Variants in ZNF251 observed in about 807,000 individuals in gnomAD.
The protein encoded by ZNF251 is zinc finger protein 251.
In ZNF251, 14 loss-of-function variants were observed where a neutral mutation model predicts 13.5. That is an observed-to-expected ratio of 1.04 (90% CI 0.69 to 1.63). The LOEUF (loss-of-function observed/expected upper bound fraction) is 1.63. ZNF251 is among the 40% of genes most tolerant of loss of function. The pLI, the probability that ZNF251 is intolerant of heterozygous loss-of-function variation, is 0.00. For missense variants in ZNF251, 764 were observed against 834.9 expected, an observed-to-expected ratio of 0.92 and a Z score of 1.05; for synonymous variants, 287 against 295.2, an observed-to-expected ratio of 0.97 and a Z score of 0.28.
intron 4 of ZNF251, among the ~76,000 whole-genome samples, chr8:144,740,855 C>T (rs1824127275): frequency 6.6e-6 from 1 of 152,068 alleles, no homozygotes. Context: ...ATCACTTGAA[C>T]CTGGGAGGCG....
At chr8:144,724,447 C>T (rs1823461871) in intron 4 of ZNF251, among the ~76,000 whole-genome samples, 2 of 152,132 alleles carry the variant, frequency 1.3e-5, no homozygotes, top group South Asian at 2.1e-4. Context: ...CTTCCTGCCT[C>T]AGCCTCCCAA....
At chr8:144,724,105 G>A (rs539713330) in intron 4 of ZNF251, among the ~76,000 whole-genome samples, 3 of 151,826 alleles carry the variant, frequency 2.0e-5, no homozygotes, top group Admixed American at 6.6e-5. Flanking sequence ...TTAGCCAGTC[G>A]AGGTGGCAGG....
intron 4 of ZNF251, among the ~76,000 whole-genome samples, chr8:144,747,941 A>C (rs1420100311): frequency 6.6e-6 from 1 of 151,248 alleles, no homozygotes; most frequent in Non-Finnish European, 1.5e-5. Context: ...ATAGTGTCTC[A>C]CTCAGTTGCC....
chr8:144,726,194 C>CAA (rs35542133), intron 4 of ZNF251, among the ~76,000 whole-genome samples: 179 of 52,094 alleles, frequency 3.4e-3, no homozygotes, highest in Non-Finnish European at 3.9e-3. Flanking sequence ...GACTCTGTCT[C>CAA]AAAAAAAAAA....
At chr8:144,725,102 CTCCTGGGTTCAAGCGAT>C (rs1435024973) in intron 4 of ZNF251, among the ~76,000 whole-genome samples, 1 of 152,190 alleles carries the variant, frequency 6.6e-6, no homozygotes, top group African/African-American at 2.4e-5. Flanking sequence ...CAACCTCCAC[CTCCTGGGTTCAAGCGAT>C]TCTCCTGCCT....
At chr8:144,739,759 C>A (rs1331773312) in intron 4 of ZNF251, among the ~76,000 whole-genome samples, 2 of 152,036 alleles carry the variant, frequency 1.3e-5, no homozygotes, top group African/African-American at 4.8e-5. Flanking sequence ...ATTATCTGGG[C>A]ATGGTGGAGC....
chr8:144,722,135 T>C lies in ZNF251; in HGVS notation c.1525A>G (p.Lys509Glu). 1 of 1,614,120 alleles carries C rather than the reference T, an allele frequency of 6.2e-7. No individual in the cohort carries two copies. Among genetic ancestry groups the C allele is most frequent in the Non-Finnish European group, 8.5e-7 (1 of 1,180,006 alleles). The change falls in exon 5 of 5, where the codon AAA becomes GAA. Residue 509 changes from lysine to glutamate, a missense_variant. Lys to Glu is a moderately conservative substitution (Grantham distance 56). Coordinates refer to ENST00000292562, the MANE Select transcript of ZNF251 (RefSeq NM_138367.2). The surrounding 1 kb of genome is among the most constrained non-coding windows in gnomAD (Gnocchi z 4.8). ...TTACGAGTCTCTCCGCTGTGAACTT[T>C]CTGATGCTGAATGAGGGTTGACCTC... The part of the protein sequence containing the change: ...SRRSTLIQHQ[K>E]VHSGETRKCR...
Position 144,724,324 on chromosome 8 carries a change from G to A in ZNF251, c.278-942C>T, listed in dbSNP as rs568643196. On this transcript the variant is annotated intron_variant, in intron 4 of 4. Transcript: ENST00000292562. ...CAATCATGCCGTGTACTGTTGGTGG[G>A]ACTGTAAATAAATGACCTTTTTTTG... is the stretch of plus-strand genomic sequence containing the variant. 4.6e-5 allele frequency among the ~76,000 whole-genome samples: 7 copies of A among 151,154 alleles called. No homozygotes were observed. The South Asian group carries it at 1.5e-3, about 32-fold the overall frequency.
At chr8:144,754,099 G>T in intron 3 of ZNF251, 93 bp downstream of exon 3, 2 of 1,500,416 alleles carry the variant, frequency 1.3e-6, no homozygotes, top group East Asian at 2.3e-5. Flanking sequence ...CAAGGGGCAG[G>T]ACCCTCTTCT....
intron 4 of ZNF251, among the ~76,000 whole-genome samples, chr8:144,723,606 G>C (rs564247866): frequency 4.6e-5 from 7 of 152,116 alleles, no homozygotes; most frequent in African/African-American, 7.2e-5. Context: ...AACAAATTAC[G>C]ATTTTTCACC....
chr8:144,738,212 C>G (rs1159233391), intron 4 of ZNF251, among the ~76,000 whole-genome samples: 1 of 152,188 alleles, frequency 6.6e-6, no homozygotes, highest in Admixed American at 6.5e-5. Flanking sequence ...CTGGCGACAC[C>G]CACTCTGCCT....
chr8:144,729,848 G>A (rs1213863033), intron 4 of ZNF251, among the ~76,000 whole-genome samples: 1 of 152,122 alleles, frequency 6.6e-6, no homozygotes, highest in African/African-American at 2.4e-5. Flanking sequence ...GCAGCAGAGT[G>A]AGACCCTGTC....
intron 4 of ZNF251, among the ~76,000 whole-genome samples, chr8:144,748,855 G>A (rs1043442023): frequency 9.2e-5 from 14 of 152,142 alleles, no homozygotes; most frequent in Non-Finnish European, 1.8e-4. Context: ...CATCACTCCT[G>A]GCCGAAGCAG....
intron 4 of ZNF251, among the ~76,000 whole-genome samples, chr8:144,741,361 CAT>C (rs1174433348): frequency 6.6e-6 from 1 of 152,140 alleles, no homozygotes; most frequent in Admixed American, 6.5e-5. Context: ...CACACACACT[CAT>C]ACACACACTC....
intron 4 of ZNF251, among the ~76,000 whole-genome samples, chr8:144,724,009 C>T (rs1447644406): frequency 6.6e-6 from 1 of 152,008 alleles, no homozygotes; most frequent in African/African-American, 2.4e-5. Context: ...TTTGGGAGGC[C>T]GAGGTGGGCG....
rs1313402368 is a variant in ZNF251, at chr8:144,721,258, T to C, written c.*386A>G. 1.8e-5 allele frequency: 5 copies of C among 275,850 alleles called. No individual in the cohort carries two copies. The East Asian group carries it at 3.0e-4, about 17-fold the overall frequency. The allele number at this position is 275,850 out of a possible 1,614,324, so 17.1% of individuals were successfully genotyped here. On this transcript the variant is annotated 3_prime_UTR_variant, in exon 5 of 5. Coordinates refer to ENST00000292562, the MANE Select transcript of ZNF251 (RefSeq NM_138367.2). ...TGTACCACACTTGGAGGCAGGTATA[T>C]GGGACTGAAAGTGGATGTTCTCAGC...
intron 4 of ZNF251, among the ~76,000 whole-genome samples, chr8:144,753,274 G>GCAA (rs1824782846): frequency 2.4e-5 from 1 of 41,820 alleles, no homozygotes; most frequent in Non-Finnish European, 4.0e-5. Context: ...ATTCTGTCTC[G>GCAA]AAAAAAAAAA....
chr8:144,729,995 C>T (rs1323062244), intron 4 of ZNF251: 1 of 971,860 alleles, frequency 1.0e-6, no homozygotes, highest in African/African-American at 1.8e-5. Flanking sequence ...CCACCCAGGG[C>T]TGGCGTTGTT....
At chr8:144,751,955 A>C (rs1824713559) in intron 4 of ZNF251, among the ~76,000 whole-genome samples, 1 of 152,164 alleles carries the variant, frequency 6.6e-6, no homozygotes, top group Non-Finnish European at 1.5e-5. Flanking sequence ...GTATTACCAG[A>C]GACAAACAGG....
Sources: allele counts gnomAD v4.1 joint callset (sites outside exome capture counted in the v4.1 genomes callset), GRCh38; gene constraint gnomAD v4.1.1; non-coding constraint Gnocchi (gnomAD v3.1); transcripts MANE v1.5; gene names NCBI Gene and HGNC (gene_info 2026-07-23, HGNC 2026-07-21).